MCPH1: variants seen among roughly 807,000 people sequenced by gnomAD.
The protein encoded by MCPH1 is microcephalin 1, also known as microcephalin.
Under a neutral mutation model 84.5 loss-of-function variants are expected in MCPH1, and 104 were observed. The ratio of observed to expected loss-of-function variants is 1.23; its 90% CI spans 1.05 to 1.45. MCPH1 has a LOEUF of 1.45. Among genes scored for constraint, MCPH1 ranks in the 40% most tolerant of loss-of-function variants. MCPH1 has a pLI of 0.00. For synonymous variants in MCPH1, 514 were observed against 366.8 expected (o/e 1.40, Z -4.58); for missense variants, 1,498 against 1,005.7 (o/e 1.49, Z -6.62).
intron 12 of MCPH1, among the ~76,000 whole-genome samples, chr8:6,551,278 C>T (rs979145941): frequency 5.3e-5 from 8 of 151,694 alleles, no homozygotes; most frequent in African/African-American, 1.2e-4. Flanking sequence ...TTAGTGGTAG[C>T]GGTATTTAGG....
chr8:6,444,907 G>C lies in MCPH1; in HGVS notation c.1185G>C (p.Gln395His), dbSNP rs963664172. 1 of 1,614,168 alleles carries C rather than the reference G, an allele frequency of 6.2e-7. No homozygotes were observed. The highest frequency in any genetic ancestry group is 1.7e-5 in the Admixed American group (1 of 60,028). ...LQLCRSEDRL[Q>H]HVAGPALEAL... ...TGTGCAGGTCGGAAGACAGGCTGCA[G>C]CACGTGGCGGGACCTGCCCTGGAGG... is the stretch of plus-strand genomic sequence containing the variant. Residue 395 changes from glutamine (Q) to histidine (H), a missense_variant, in exon 8 of 14, where the codon CAG (glutamine) becomes CAC (histidine). Physicochemically the swap from Gln to His is conservative, Grantham distance 24. Transcript: ENST00000344683.
At chr8:6,623,770 A>G (rs1467039511) in intron 13 of MCPH1, among the ~76,000 whole-genome samples, 2 of 150,550 alleles carry the variant, frequency 1.3e-5, no homozygotes, top group South Asian at 4.2e-4. Flanking sequence ...ACTCTTTTCT[A>G]AATGCCAAGA....
intron 8 of MCPH1, chr8:6,445,751 G>T (rs1804261072): frequency 4.4e-6 from 6 of 1,359,132 alleles, no homozygotes; most frequent in Non-Finnish European, 5.6e-6. Context: ...AGACTTATTG[G>T]TTAAGTCTGT....
chr8:6,473,176 T>C (rs1267568155), intron 9 of MCPH1, among the ~76,000 whole-genome samples: 6 of 152,182 alleles, frequency 3.9e-5, no homozygotes, highest in Non-Finnish European at 7.4e-5. Context: ...AAACTTTTCT[T>C]TGTTTTTAAA....
At chr8:6,590,031 A>G in intron 12 of MCPH1, among the ~76,000 whole-genome samples, 1 of 152,200 alleles carries the variant, frequency 6.6e-6, no homozygotes, top group East Asian at 1.9e-4. Flanking sequence ...TTCAAATGGT[A>G]CCTTCATTTT....
At chr8:6,515,997 C>G (rs976537015) in intron 12 of MCPH1, among the ~76,000 whole-genome samples, 7 of 152,176 alleles carry the variant, frequency 4.6e-5, no homozygotes, top group African/African-American at 1.4e-4. Flanking sequence ...AGAACTGTCC[C>G]TGGAACAGCC....
chr8:6,541,663 C>T (rs987940627), intron 12 of MCPH1, among the ~76,000 whole-genome samples: 2 of 152,084 alleles, frequency 1.3e-5, no homozygotes, highest in Admixed American at 1.3e-4. Flanking sequence ...TGATGTTTTC[C>T]CTACAGAGAT....
rs587783737 is a variant in MCPH1 at position 6,621,496 on chromosome 8, G to A, written c.2257G>A (p.Gly753Arg). 2.0e-5 allele frequency: 32 copies of A among 1,613,972 alleles called. No individual in the cohort carries two copies. The highest frequency in any genetic ancestry group is 1.6e-4 in the East Asian group (7 of 44,890). ...CCACTTGTCTGCAGGGCCGTACCGCGGAACCCTCTTTGCCGACCAGCCAGC... is the reference window on the plus strand; with the variant it reads ...CCACTTGTCTGCAGGGCCGTACCGCAGAACCCTCTTTGCCGACCAGCCAGC... ...ECHLSAGPYR[G>R]TLFADQPAMF... Residue 753 changes from glycine (G) to arginine (R), a missense_variant, in exon 13 of 14, where the codon GGA (glycine) becomes AGA (arginine). Transcript: ENST00000344683.
chr8:6,620,055 C>G (rs895332103), intron 12 of MCPH1: 1 of 152,222 alleles, frequency 6.6e-6, no homozygotes, highest in Non-Finnish European at 1.5e-5. Context: ...CTTGCATCAG[C>G]TCAGTCTCTT....
At chr8:6,481,095 G>GTA (rs1563267660) in intron 11 of MCPH1, among the ~76,000 whole-genome samples, 1 of 152,206 alleles carries the variant, frequency 6.6e-6, no homozygotes, top group East Asian at 1.9e-4. Context: ...GACGGGGAGG[G>GTA]TAGAGAGCAG....
intron 12 of MCPH1, among the ~76,000 whole-genome samples, chr8:6,542,836 C>A (rs1016551461): frequency 6.6e-6 from 1 of 152,072 alleles, no homozygotes; most frequent in Non-Finnish European, 1.5e-5. Context: ...TACTTGGTCA[C>A]AATGACTATC....
At chr8:6,408,064 C>T (rs1201162449) in intron 1 of MCPH1, among the ~76,000 whole-genome samples, 1 of 152,208 alleles carries the variant, frequency 6.6e-6, no homozygotes, top group Non-Finnish European at 1.5e-5. Flanking sequence ...TATTTACCAT[C>T]TGTCTCTTTA....
chr8:6,460,006 T>C (rs1225752792), intron 9 of MCPH1, among the ~76,000 whole-genome samples: 1 of 152,158 alleles, frequency 6.6e-6, no homozygotes, highest in African/African-American at 2.4e-5. Context: ...ACTGCTCTCA[T>C]CTTTGGTTTT....
intron 12 of MCPH1, chr8:6,527,792 T>A: frequency 2.1e-6 from 2 of 968,502 alleles, no homozygotes; most frequent in Non-Finnish European, 3.0e-6. Flanking sequence ...CATTATTTAT[T>A]AACCCAAGTA....
At chr8:6,513,920 C>G in intron 12 of MCPH1, 1 of 1,336,366 alleles carries the variant, frequency 7.5e-7, no homozygotes, top group Non-Finnish European at 1.0e-6. Context: ...AGTCCGTCAA[C>G]TTAACATAGA....
intron 9 of MCPH1, among the ~76,000 whole-genome samples, chr8:6,466,110 A>G (rs547704574): frequency 1.1e-3 from 155 of 144,876 alleles, no homozygotes; most frequent in African/African-American, 3.6e-3. Context: ...CCGTGCCACT[A>G]CACCTGGCTA....
intron 13 of MCPH1, among the ~76,000 whole-genome samples, chr8:6,635,779 T>A (rs747809405): frequency 5.2e-4 from 79 of 152,270 alleles, no homozygotes; most frequent in Non-Finnish European, 9.6e-4. Context: ...CTGCTTCTTA[T>A]GTTCCTTCTC....
chr8:6,407,067 C>T, intron 1 of MCPH1: 1 of 341,658 alleles, frequency 2.9e-6, no homozygotes, highest in East Asian at 8.6e-5. Context: ...CCCCAAATCC[C>T]GCCTTTCCCC....
chr8:6,628,902 A>G (rs1488923287), intron 13 of MCPH1, among the ~76,000 whole-genome samples: 9 of 152,160 alleles, frequency 5.9e-5, no homozygotes, highest in Non-Finnish European at 1.3e-4. Context: ...TGACTGTAGG[A>G]GAGATTTTCC....
Sources: allele counts gnomAD v4.1 joint callset (sites outside exome capture counted in the v4.1 genomes callset), GRCh38; gene constraint gnomAD v4.1.1; transcripts MANE v1.5; gene names NCBI Gene and HGNC (gene_info 2026-07-23, HGNC 2026-07-21).